Variants in NOVA1 observed in about 807,000 individuals in gnomAD.
NOVA1 encodes NOVA alternative splicing regulator 1.
Under a neutral mutation model 38.0 loss-of-function variants are expected in NOVA1, and 7 were observed. The ratio of observed to expected loss-of-function variants is 0.18; its 90% CI spans 0.10 to 0.35. NOVA1 has a LOEUF of 0.35. Ranked by LOEUF, NOVA1 falls within the 10% of genes least tolerant of loss-of-function variation. The pLI is 1.00. For synonymous variants in NOVA1, 270 were observed against 232.5 expected, an observed-to-expected ratio of 1.16 and a Z score of -1.47; for missense variants, 460 against 616.0, an observed-to-expected ratio of 0.75 and a Z score of 2.68.
At chr14:26,451,701 A>C (rs1882696962) in intron 4 of NOVA1, among the ~76,000 whole-genome samples, 1 of 152,204 alleles carries the variant, frequency 6.6e-6, no homozygotes, top group African/African-American at 2.4e-5. Flanking sequence ...AATTTAAAAT[A>C]GTGTTAACTT....
intron 2 of NOVA1, among the ~76,000 whole-genome samples, chr14:26,535,339 G>A (rs1350633644): frequency 6.6e-6 from 1 of 152,102 alleles, no homozygotes; most frequent in East Asian, 1.9e-4. Flanking sequence ...AATAAAAACG[G>A]ATATGGTTTA....
intron 1 of NOVA1, 191 bp downstream of exon 1, chr14:26,597,110 G>A: frequency 9.7e-6 from 12 of 1,232,058 alleles, no homozygotes; most frequent in African/African-American, 1.6e-5. Flanking sequence ...AAATGTGTCG[G>A]GGACACCTAG....
chr14:26,576,427 G>A (rs1024159556), intron 2 of NOVA1, among the ~76,000 whole-genome samples: 1 of 151,410 alleles, frequency 6.6e-6, no homozygotes, highest in African/African-American at 2.4e-5. Context: ...CCAGCTGACA[G>A]GCATAAATGT....
At chr14:26,533,334 T>A (rs923808896) in intron 2 of NOVA1, among the ~76,000 whole-genome samples, 2 of 152,202 alleles carry the variant, frequency 1.3e-5, no homozygotes, top group African/African-American at 4.8e-5. Flanking sequence ...AATGGGTAAG[T>A]GGTTCCAGCA....
At chr14:26,516,174 G>A (rs1271271284) in intron 2 of NOVA1, among the ~76,000 whole-genome samples, 1 of 151,980 alleles carries the variant, frequency 6.6e-6, no homozygotes, top group African/African-American at 2.4e-5. Context: ...AGTGTTTATC[G>A]GCCATTAGGA....
At chr14:26,520,126 A>C (rs1419525057) in intron 2 of NOVA1, among the ~76,000 whole-genome samples, 1 of 152,252 alleles carries the variant, frequency 6.6e-6, no homozygotes, top group Non-Finnish European at 1.5e-5. Context: ...CTCATGGCCA[A>C]CGGCCTTGTA....
chr14:26,553,205 TA>T (rs1763053084), intron 2 of NOVA1, among the ~76,000 whole-genome samples: 2 of 152,136 alleles, frequency 1.3e-5, no homozygotes, highest in African/African-American at 4.8e-5. Context: ...GGCTGGCAAT[TA>T]GAACCGAAGG....
chr14:26,523,777 C>G (rs901935954), intron 2 of NOVA1, among the ~76,000 whole-genome samples: 18 of 120,666 alleles, frequency 1.5e-4, no homozygotes, highest in Non-Finnish European at 3.2e-5. Flanking sequence ...TTGAGACGGA[C>G]TCTCGCTCTG....
intron 2 of NOVA1, among the ~76,000 whole-genome samples, chr14:26,518,537 A>T (rs1278479719): frequency 6.6e-6 from 1 of 152,066 alleles, no homozygotes; most frequent in African/African-American, 2.4e-5. Context: ...GACACATACT[A>T]ATTGTACATA....
At chr14:26,502,277 A>G (rs1887296495) in intron 2 of NOVA1, among the ~76,000 whole-genome samples, 1 of 151,820 alleles carries the variant, frequency 6.6e-6, no homozygotes, top group Non-Finnish European at 1.5e-5. Flanking sequence ...TATATTTGTA[A>G]GTTTCTTGCT....
chr14:26,549,871 C>T (rs1319235582), intron 2 of NOVA1: 10 of 451,556 alleles, frequency 2.2e-5, no homozygotes, highest in Non-Finnish European at 3.7e-5. Flanking sequence ...CCTGTACATA[C>T]ATACAGGGAT....
At chr14:26,575,960 G>T (rs184234723) in intron 2 of NOVA1, among the ~76,000 whole-genome samples, 1 of 151,710 alleles carries the variant, frequency 6.6e-6, no homozygotes, top group Admixed American at 6.6e-5. Flanking sequence ...TTTTTATGGA[G>T]ACTAAAATGA....
At chr14:26,508,660 T>C (rs1359788530) in intron 2 of NOVA1, among the ~76,000 whole-genome samples, 1 of 151,848 alleles carries the variant, frequency 6.6e-6, no homozygotes, top group African/African-American at 2.4e-5. Context: ...GCATATTCCA[T>C]GTAATGGAAA....
intron 3 of NOVA1, chr14:26,479,770 A>AT: frequency 2.1e-6 from 1 of 470,454 alleles, no homozygotes; most frequent in Non-Finnish European, 3.6e-6. Flanking sequence ...TGTAACACTA[A>AT]TAAATGAATA....
At chr14:26,503,685 G>C (rs979681896) in intron 2 of NOVA1, among the ~76,000 whole-genome samples, 7 of 152,000 alleles carry the variant, frequency 4.6e-5, no homozygotes, top group African/African-American at 1.7e-4. Flanking sequence ...GAAATACTGA[G>C]TTATTCATAA....
rs1373656791 is a variant in NOVA1 at position 26,448,007 on chromosome 14, G to A, written c.1476C>T (p.Ile492=). Residue 492 remains isoleucine (I), a synonymous_variant, in exon 5 of 5, where the codon ATC becomes ATT. Coordinates refer to ENST00000539517, the MANE Select transcript of NOVA1 (RefSeq NM_002515.3). This position sits in a 1 kb window ranked among gnomAD's most constrained non-coding sequence, Gnocchi z 5.3. The stretch of plus-strand genomic sequence containing the variant: ...CAGCCCGAACTCCTTGCTCATATGT[G>A]ATCCTTTGTGTAATTAAATATTGAG... ...QAAQYLITQR[I]TYEQGVRAAN... The A allele has an allele frequency of 6.2e-7, 1 of 1,614,160 alleles. No homozygotes were observed. Among genetic ancestry groups the A allele is most frequent in the Non-Finnish European group, 8.5e-7 (1 of 1,180,026 alleles).
intron 3 of NOVA1, among the ~76,000 whole-genome samples, chr14:26,475,762 A>T (rs1450745069): frequency 1.3e-5 from 2 of 152,198 alleles, no homozygotes; most frequent in Non-Finnish European, 2.9e-5. Flanking sequence ...AACAGTAGGT[A>T]ATTAAATGTA....
chr14:26,472,441 C>A, intron 3 of NOVA1, 50 bp from the exon 4 acceptor site: 1 of 791,042 alleles, frequency 1.3e-6, no homozygotes, highest in Middle Eastern at 2.5e-4. Context: ...AAGCCTTAAA[C>A]TGATTATTTA....
At chr14:26,529,734 CA>C (rs1889566417) in intron 2 of NOVA1, among the ~76,000 whole-genome samples, 1 of 152,112 alleles carries the variant, frequency 6.6e-6, no homozygotes, top group African/African-American at 2.4e-5. Context: ...GGTATAGTGG[CA>C]CACTATAAAA....
Sources: gnomAD v4.1 joint callset for allele counts (sites outside exome capture counted in the v4.1 genomes callset) on GRCh38, gnomAD v4.1.1 for gene constraint, Gnocchi (gnomAD v3.1) non-coding constraint, MANE v1.5 for transcripts, NCBI Gene and HGNC (gene_info 2026-07-23, HGNC 2026-07-21) for gene names.